ADAMTS6: variants seen among roughly 807,000 people sequenced by gnomAD.
ADAMTS6 encodes ADAM metallopeptidase with thrombospondin type 1 motif 6.
Under a neutral mutation model 144.3 loss-of-function variants are expected in ADAMTS6, and 23 were observed. The observed-to-expected ratio is 0.16, with a 90% CI of 0.11 to 0.23. ADAMTS6 has a LOEUF of 0.23. ADAMTS6 is among the 10% of genes least tolerant of loss of function. The pLI, the probability that ADAMTS6 is intolerant of heterozygous loss-of-function variation, is 1.00. For synonymous variants in ADAMTS6, 444 were observed against 457.5 expected (o/e 0.97, Z 0.38); for missense variants, 999 against 1,379.6 (o/e 0.72, Z 4.37).
chr5:65,475,711 A>G (rs1236638066), intron 1 of ADAMTS6, among the ~76,000 whole-genome samples: 1 of 152,258 alleles, frequency 6.6e-6, no homozygotes, highest in African/African-American at 2.4e-5. Flanking sequence ...AAGTCTAGAT[A>G]ACCAGAAAAA....
intron 9 of ADAMTS6, among the ~76,000 whole-genome samples, chr5:65,313,803 A>AATAGT (rs1744727204): frequency 6.6e-6 from 1 of 152,080 alleles, no homozygotes; most frequent in Non-Finnish European, 1.5e-5. Context: ...GGTTCTTCCA[A>AATAGT]ATAGTATAAA....
Position 65,463,715 on chromosome 5 carries a change from C to T in ADAMTS6, c.463-3377G>A, listed in dbSNP as rs370937625. ...CTACCTCTCCCTATTATTTGAAACACTTCTACTGTGTTCTCTCAAACTCAA... is the reference window on the plus strand; with the variant it reads ...CTACCTCTCCCTATTATTTGAAACATTTCTACTGTGTTCTCTCAAACTCAA... On this transcript the variant is annotated intron_variant, in intron 3 of 24. Transcript: ENST00000381055. Among the ~76,000 whole-genome samples the T allele has an allele frequency of 1.2e-4, 19 of 152,276 alleles. No individual in the cohort carries two copies. In the East Asian group the frequency reaches 3.5e-3, roughly 28 times the overall value.
At chr5:65,171,863 C>T (rs761647687) in intron 23 of ADAMTS6, among the ~76,000 whole-genome samples, 4 of 151,882 alleles carry the variant, frequency 2.6e-5, no homozygotes, top group Non-Finnish European at 2.9e-5. Context: ...AGTTACTGTC[C>T]GAGAGGCTTA....
chr5:65,250,069 C>T (rs1457354217), intron 14 of ADAMTS6, among the ~76,000 whole-genome samples: 2 of 152,196 alleles, frequency 1.3e-5, no homozygotes, highest in South Asian at 2.1e-4. Context: ...CAGCATTAGC[C>T]TGTTGCTAAG....
chr5:65,380,469 G>C (rs1298536548), intron 7 of ADAMTS6, among the ~76,000 whole-genome samples: 1 of 151,998 alleles, frequency 6.6e-6, no homozygotes, highest in Non-Finnish European at 1.5e-5. Flanking sequence ...CCAGCTACTT[G>C]GGAGGCTGAG....
intron 7 of ADAMTS6, among the ~76,000 whole-genome samples, chr5:65,412,988 GCTTGC>G (rs1455497284): frequency 6.6e-6 from 1 of 151,948 alleles, no homozygotes; most frequent in Non-Finnish European, 1.5e-5. Flanking sequence ...ATCCTCTATA[GCTTGC>G]TTAATAGTTT....
chr5:65,340,473 G>C (rs754841606), intron 7 of ADAMTS6, among the ~76,000 whole-genome samples: 1 of 151,806 alleles, frequency 6.6e-6, no homozygotes, highest in Non-Finnish European at 1.5e-5. Flanking sequence ...AAAGAATAAA[G>C]ACAAAGGAAT....
Position 65,307,722 on chromosome 5 carries a change from C to T in ADAMTS6, c.1224-7591G>A, listed in dbSNP as rs539767316. ...GCAGCATTAAAATATGGCATGTTGTCGGTCCAGTTCTATTCCAGTTTTCAA... is the reference window on the plus strand; with the variant it reads ...GCAGCATTAAAATATGGCATGTTGTTGGTCCAGTTCTATTCCAGTTTTCAA... On this transcript the variant is annotated intron_variant, in intron 9 of 24. Transcript: ENST00000381055. Among the ~76,000 whole-genome samples, 16 of 152,256 alleles carry T rather than the reference C, an allele frequency of 1.1e-4. No individual in the cohort carries two copies. The East Asian group carries it at 2.9e-3, about 28-fold the overall frequency.
chr5:65,403,909 A>C (rs916142380), intron 7 of ADAMTS6, among the ~76,000 whole-genome samples: 2 of 151,976 alleles, frequency 1.3e-5, no homozygotes, highest in African/African-American at 4.8e-5. Flanking sequence ...TTGTATGTTC[A>C]CTCCTATATT....
intron 20 of ADAMTS6, among the ~76,000 whole-genome samples, chr5:65,209,108 T>C (rs115119436): frequency 9.1e-4 from 138 of 152,346 alleles, no homozygotes; most frequent in African/African-American, 3.2e-3. Context: ...AGGATGAATA[T>C]ACAGTATTTG....
intron 9 of ADAMTS6, among the ~76,000 whole-genome samples, chr5:65,309,209 G>T (rs888195393): frequency 6.6e-6 from 1 of 151,882 alleles, no homozygotes; most frequent in Non-Finnish European, 1.5e-5. Flanking sequence ...AAGATATAAT[G>T]AATTAATTAT....
chr5:65,419,758 T>C (rs1453625422), intron 7 of ADAMTS6, among the ~76,000 whole-genome samples: 1 of 152,162 alleles, frequency 6.6e-6, no homozygotes, highest in Non-Finnish European at 1.5e-5. Context: ...TATTGTGTGG[T>C]TCCATTTAAA....
intron 24 of ADAMTS6, among the ~76,000 whole-genome samples, chr5:65,162,450 A>C (rs10805393): frequency 0.43 from 65,250 of 151,930 alleles, 15,571 homozygotes; most frequent in Non-Finnish European, 0.53. Context: ...TAGCATGCAA[A>C]TATAGTTGAA....
At chr5:65,249,175 T>C (rs1183466255) in intron 14 of ADAMTS6, among the ~76,000 whole-genome samples, 1 of 152,118 alleles carries the variant, frequency 6.6e-6, no homozygotes, top group Non-Finnish European at 1.5e-5. Context: ...TGGCAGCTGG[T>C]GCCAGGGAGA....
chr5:65,395,656 C>A (rs1220536882), intron 7 of ADAMTS6, among the ~76,000 whole-genome samples: 9 of 152,116 alleles, frequency 5.9e-5, no homozygotes, highest in African/African-American at 2.2e-4. Context: ...GGAATAGTTC[C>A]ATCTCCTTTT....
intron 20 of ADAMTS6, among the ~76,000 whole-genome samples, chr5:65,199,075 T>C (rs1755570927): frequency 6.6e-6 from 1 of 152,134 alleles, no homozygotes; most frequent in Non-Finnish European, 1.5e-5. Flanking sequence ...CCTGGTTCAA[T>C]ATTTTGCCTC....
intron 24 of ADAMTS6, among the ~76,000 whole-genome samples, chr5:65,167,082 A>G (rs1357019544): frequency 1.4e-5 from 2 of 145,352 alleles, no homozygotes; most frequent in Non-Finnish European, 3.0e-5. Context: ...CAAAAAATCA[A>G]TGAATCCAGG....
intron 14 of ADAMTS6, among the ~76,000 whole-genome samples, chr5:65,255,044 C>G (rs1208145277): frequency 6.6e-6 from 1 of 152,178 alleles, no homozygotes; most frequent in Non-Finnish European, 1.5e-5. Flanking sequence ...GAGGTAGACA[C>G]CTGTGGCGTA....
intron 21 of ADAMTS6, among the ~76,000 whole-genome samples, chr5:65,192,047 A>G (rs141642689): frequency 8.7e-4 from 133 of 152,198 alleles, no homozygotes; most frequent in Non-Finnish European, 1.6e-3. Context: ...AGTTTTATAG[A>G]TGACTCTAAT....
Sources: gnomAD v4.1 joint callset for allele counts (sites outside exome capture counted in the v4.1 genomes callset) on GRCh38, gnomAD v4.1.1 for gene constraint, MANE v1.5 for transcripts, NCBI Gene and HGNC (gene_info 2026-07-23, HGNC 2026-07-21) for gene names.